PSG11: variants seen among roughly 807,000 people sequenced by gnomAD.
PSG11 encodes the protein pregnancy specific beta-1-glycoprotein 11, also known as pregnancy-specific beta-1-glycoprotein 11.
In PSG11, 42 loss-of-function variants were observed where a neutral mutation model predicts 36.0. That is an observed-to-expected ratio of 1.17 (90% CI 0.91 to 1.51). The LOEUF is 1.51. Ranked by LOEUF, PSG11 falls within the 40% of genes most tolerant of loss-of-function variation. The pLI is 0.00. For synonymous variants in PSG11, 206 were observed against 153.5 expected, an observed-to-expected ratio of 1.34 and a Z score of -2.53; for missense variants, 558 against 403.5, an observed-to-expected ratio of 1.38 and a Z score of -3.28.
chr19:43,023,507 G>T (rs1474655801), intron 2 of PSG11, among the ~76,000 whole-genome samples: 1 of 150,992 alleles, frequency 6.6e-6, no homozygotes, highest in Non-Finnish European at 1.5e-5. Flanking sequence ...CATTTTTTTT[G>T]CACTGACTTT....
chr19:43,020,939 A>G (rs373095946), intron 2 of PSG11, among the ~76,000 whole-genome samples: 1 of 151,468 alleles, frequency 6.6e-6, no homozygotes, highest in African/African-American at 2.4e-5. Context: ...TGTGTGAATT[A>G]GAAGGAGTCT....
At chr19:43,014,798 A>G in intron 4 of PSG11, 3 of 1,235,476 alleles carry the variant, frequency 2.4e-6, no homozygotes, top group Non-Finnish European at 3.2e-6. Context: ...TGAGTTGGTG[A>G]CAGTGAGAAG....
In PSG11 at chr19:43,015,325, T is replaced by G; in HGVS notation, c.755A>C (p.Tyr252Ser). Residue 252 changes from tyrosine to serine, a missense_variant, in exon 4 of 6, where the codon TAT becomes TCT. Coordinates refer to ENST00000320078, the MANE Select transcript of PSG11 (RefSeq NM_002785.3). ...GGACAAGTCGAGGTTCTCTCCTGAA[T>G]AGTAAGAGGTGACTGAAGGGAAAAT... The part of the protein sequence containing the change: ...PRIFPSVTSY[Y>S]SGENLDLSCF... The G allele has an allele frequency of 6.8e-6, 11 of 1,610,030 alleles. No homozygotes were observed. Among genetic ancestry groups the G allele is most frequent in the Non-Finnish European group, 9.3e-6 (11 of 1,177,248 alleles).
chr19:43,021,229 T>C (rs1042982903), intron 2 of PSG11, among the ~76,000 whole-genome samples: 1 of 151,480 alleles, frequency 6.6e-6, no homozygotes, highest in Non-Finnish European at 1.5e-5. Context: ...TTTTTTTCCC[T>C]ACTCTTTTTG....
chr19:43,010,889 C>T (rs1199086158), intron 4 of PSG11, among the ~76,000 whole-genome samples: 1 of 91,114 alleles, frequency 1.1e-5, no homozygotes, highest in African/African-American at 5.6e-5. Flanking sequence ...ACCTCTTTTT[C>T]CATATATATA....
Position 43,015,151 on chromosome 19 carries a change from T to A in PSG11, c.929A>T (p.Glu310Val), listed in dbSNP as rs1264722300. 4.3e-6 allele frequency: 7 copies of A among 1,612,054 alleles called. No homozygotes were observed. The highest frequency in any genetic ancestry group is 3.3e-5 in the South Asian group (3 of 90,828). ...ACSARNSATG[E>V]ESSTSLTIRV... ...GATTGTCAAGGATGTGGAGCTTTCC[T>A]CGCCAGTGGCTGAGTTACGAGCAGA... Residue 310 changes from glutamate (E) to valine (V), a missense_variant, in exon 4 of 6, where the codon GAG becomes GTG. Transcript: ENST00000320078.
At chr19:43,019,106 C>T in intron 2 of PSG11, 58 bp from the exon 3 acceptor site, 3 of 1,579,176 alleles carry the variant, frequency 1.9e-6, no homozygotes, top group Non-Finnish European at 2.6e-6. Context: ...CCTCCAAAGG[C>T]ATTTTTCAAT....
intron 2 of PSG11, among the ~76,000 whole-genome samples, chr19:43,019,958 G>A (rs1449171447): frequency 1.3e-5 from 2 of 151,414 alleles, no homozygotes; most frequent in African/African-American, 4.9e-5. Flanking sequence ...ACCAATATTT[G>A]GGAAGAAGTC....
intron 4 of PSG11, among the ~76,000 whole-genome samples, chr19:43,012,272 C>G (rs1470442031): frequency 6.6e-6 from 1 of 151,152 alleles, no homozygotes; most frequent in Non-Finnish European, 1.5e-5. Flanking sequence ...CACTTTTATT[C>G]AACATAGTAT....
chr19:43,010,569 G>T (rs7246428), intron 4 of PSG11: 197,729 of 437,620 alleles, frequency 0.45, 48,706 homozygotes, highest in East Asian at 0.99. Flanking sequence ...ATGGGTGACT[G>T]GTTGGAGGAT....
intron 3 of PSG11, among the ~76,000 whole-genome samples, chr19:43,018,153 C>T (rs368831344): frequency 4.0e-5 from 6 of 151,290 alleles, no homozygotes; most frequent in Middle Eastern, 6.8e-3. Flanking sequence ...ATTTGTTCCA[C>T]CAGTGGCTGA....
At chr19:43,010,257 C>A in intron 4 of PSG11, 2 of 1,455,128 alleles carry the variant, frequency 1.4e-6, no homozygotes, top group East Asian at 2.5e-5. Context: ...TGTCAATTCT[C>A]TACTGCACTC....
Position 43,015,830 on chromosome 19 carries a change from G to C in PSG11, c.710-460C>G, listed in dbSNP as rs559666577. ...CCATATCGGTCCCGTATTTCACATT[G>C]ATAGGGTCCTGTTTCATTTCTCGTG... On this transcript the variant is annotated intron_variant, in intron 3 of 5. Transcript: ENST00000320078. 297 of 1,610,038 alleles carry C rather than the reference G, an allele frequency of 1.8e-4. 7 individuals are homozygous for C. The East Asian group carries it at 2.8e-3, about 15-fold the overall frequency.
At chr19:43,011,394 G>A (rs1296073562) in intron 4 of PSG11, among the ~76,000 whole-genome samples, 1 of 150,918 alleles carries the variant, frequency 6.6e-6, no homozygotes, top group African/African-American at 2.4e-5. Flanking sequence ...TATGAAAGAA[G>A]AACAAACTAA....
rs559881649 is a variant in PSG11 at position 43,020,753 on chromosome 19, G to T, written c.431-1705C>A. Among the ~76,000 whole-genome samples, 193 of 151,284 alleles carry T rather than the reference G, an allele frequency of 1.3e-3. 6 individuals are homozygous for T. Among genetic ancestry groups the T allele is most frequent in the Non-Finnish European group, 2.3e-3 (154 of 67,892 alleles). ...TGGTCAGTGCATCAATTACATAAAA[G>T]GAGGAAGGATGCCAAATTAAAAGAA... On this transcript the variant is annotated intron_variant, in intron 2 of 5. Coordinates refer to ENST00000320078, the MANE Select transcript of PSG11 (RefSeq NM_002785.3).
In PSG11 at chr19:43,008,003, G is replaced by A; in HGVS notation, c.*80C>T. 5.0e-6 allele frequency: 2 copies of A among 401,926 alleles called. No individual in the cohort carries two copies. Among genetic ancestry groups the A allele is most frequent in the Non-Finnish European group, 9.2e-6 (2 of 217,562 alleles). 24.9% of individuals were successfully genotyped at this position (401,926 alleles called of 1,614,324 possible). On this transcript the variant is annotated 3_prime_UTR_variant, in exon 6 of 6. Transcript: ENST00000320078. The stretch of plus-strand genomic sequence containing the variant: ...ATGATCTTGAAGTTATCAGGAACTT[G>A]TATTCAAGAGTCCTTTTCATAGTCT...
chr19:43,016,762 A>C (rs1966977253), intron 3 of PSG11, among the ~76,000 whole-genome samples: 1 of 151,550 alleles, frequency 6.6e-6, no homozygotes, highest in African/African-American at 2.4e-5. Context: ...TTTGGAGCAG[A>C]ACCATGTTCC....
At chr19:43,024,562 G>A in intron 2 of PSG11, 129 bp downstream of exon 2, 4 of 1,536,856 alleles carry the variant, frequency 2.6e-6, no homozygotes, top group Non-Finnish European at 2.7e-6. Context: ...TGCACTAAAT[G>A]CCCAAACCCC....
At chr19:43,019,792 C>T (rs1298215877) in intron 2 of PSG11, 1 of 151,688 alleles carries the variant, frequency 6.6e-6, no homozygotes, top group African/African-American at 2.4e-5. Flanking sequence ...CTATGATGCT[C>T]CCTTCCCCCA....
Sources: allele counts gnomAD v4.1 joint callset (sites outside exome capture counted in the v4.1 genomes callset), GRCh38; gene constraint gnomAD v4.1.1; transcripts MANE v1.5; gene names NCBI Gene and HGNC (gene_info 2026-07-23, HGNC 2026-07-21).